SLC14A2: variants seen among roughly 807,000 people sequenced by gnomAD.
SLC14A2 encodes urea transporter 2.
A neutral mutation model predicts 104.6 loss-of-function variants in SLC14A2; 91 were observed. The observed-to-expected ratio is 0.87, with a 90% confidence interval of 0.73 to 1.04. SLC14A2 has a LOEUF of 1.04. SLC14A2 is among the 50% of genes least tolerant of loss of function. The probability of loss-of-function intolerance (pLI) is 0.00; values close to 1 mark genes in which losing one functional copy is unlikely to be tolerated. For synonymous variants in SLC14A2, 476 were observed against 466.4 expected, an observed-to-expected ratio of 1.02 and a Z score of -0.27; for missense variants, 1,189 against 1,156.0, an observed-to-expected ratio of 1.03 and a Z score of -0.41.
intron 1 of SLC14A2, among the ~76,000 whole-genome samples, chr18:45,345,370 G>A (rs572489091): frequency 2.0e-5 from 3 of 152,218 alleles, no homozygotes; most frequent in East Asian, 3.9e-4. Context: ...TTTTTTAAAG[G>A]CAGAGTCCCT....
intron 1 of SLC14A2, among the ~76,000 whole-genome samples, chr18:45,320,305 G>T (rs577036727): frequency 6.6e-6 from 1 of 152,208 alleles, no homozygotes; most frequent in African/African-American, 2.4e-5. Flanking sequence ...TGAGTTTAAA[G>T]CTTTGTACCC....
At chr18:45,187,297 C>A in the SLC14A2 span, among the ~76,000 whole-genome samples, 1 of 152,074 alleles carries the variant, frequency 6.6e-6, no homozygotes, top group Non-Finnish European at 1.5e-5. Flanking sequence ...TAGATGGAGG[C>A]TTCACATTGC....
intron 2 of SLC14A2, among the ~76,000 whole-genome samples, chr18:45,556,002 A>G (rs1189140083): frequency 6.6e-6 from 1 of 152,164 alleles, no homozygotes; most frequent in Non-Finnish European, 1.5e-5. Context: ...TATAAACAAC[A>G]GACATTTATT....
At chr18:45,566,548 G>C (rs2543023) in intron 2 of SLC14A2, among the ~76,000 whole-genome samples, 4,123 of 145,206 alleles carry the variant, frequency 0.028, 195 homozygotes, top group African/African-American at 0.1. Context: ...CACACACACA[G>C]TGTCCACATC....
intron 12 of SLC14A2, 43 bp downstream of exon 12, chr18:45,666,262 C>A: frequency 1.5e-6 from 2 of 1,310,706 alleles, no homozygotes; most frequent in Non-Finnish European, 2.2e-6. Context: ...GCCCTACAGT[C>A]ACAGAGCCCA....
rs148293294 is a variant in SLC14A2 at position 45,511,860 on chromosome 18, A to G, written c.-35+28538A>G. On this transcript the variant is annotated intron_variant, in intron 2 of 20. Transcript: ENST00000586448. ...GCTTGGTGATACCACATAGGGTTCA[A>G]GCCTCCATCTGCACACCAGGGAGTT... 2.1e-3 allele frequency among the ~76,000 whole-genome samples: 321 copies of G among 152,334 alleles called. 10 individuals are homozygous for G. The highest frequency in any genetic ancestry group is 0.019 in the Admixed American group (295 of 15,300).
chr18:45,539,150 A>G (rs530383327), intron 2 of SLC14A2, among the ~76,000 whole-genome samples: 1 of 64,764 alleles, frequency 1.5e-5, no homozygotes, highest in South Asian at 5.0e-4. Context: ...AGCCCAGAGG[A>G]AAGAGCAATG....
chr18:45,450,962 C>T (rs2086848041), intron 1 of SLC14A2, among the ~76,000 whole-genome samples: 1 of 152,194 alleles, frequency 6.6e-6, no homozygotes, highest in East Asian at 1.9e-4. Context: ...TGGTGCAAAA[C>T]ACATGGCTCA....
At chr18:45,290,768 CT>C (rs1327241974) in intron 1 of SLC14A2, among the ~76,000 whole-genome samples, 1 of 151,460 alleles carries the variant, frequency 6.6e-6, no homozygotes, top group Admixed American at 6.6e-5. Flanking sequence ...TTAATTTCAT[CT>C]GTTTATTTTT....
chr18:45,181,697 T>C, the SLC14A2 span, among the ~76,000 whole-genome samples: 1 of 152,180 alleles, frequency 6.6e-6, no homozygotes, highest in Non-Finnish European at 1.5e-5. Context: ...TCCATTGTAA[T>C]TGATAAATGA....
intron 1 of SLC14A2, among the ~76,000 whole-genome samples, chr18:45,313,382 A>G (rs941003038): frequency 6.6e-6 from 1 of 152,144 alleles, no homozygotes; most frequent in African/African-American, 2.4e-5. Flanking sequence ...AAGAGAAGTC[A>G]TTTGCTCAGA....
the SLC14A2 span, among the ~76,000 whole-genome samples, chr18:45,177,239 C>G: frequency 7.2e-5 from 8 of 111,616 alleles, no homozygotes; most frequent in African/African-American, 2.5e-4. Flanking sequence ...ATGCATTCCA[C>G]TAGCCCCTAG....
intron 19 of SLC14A2, among the ~76,000 whole-genome samples, chr18:45,680,539 A>G (rs1370115074): frequency 6.6e-6 from 1 of 152,240 alleles, no homozygotes; most frequent in Non-Finnish European, 1.5e-5. Flanking sequence ...GGGACCATCC[A>G]AGCTCTCCTC....
chr18:45,559,909 G>A (rs540041344), intron 2 of SLC14A2, among the ~76,000 whole-genome samples: 1 of 152,342 alleles, frequency 6.6e-6, no homozygotes, highest in South Asian at 2.1e-4. Context: ...CCCTAGGGAA[G>A]AGAATGTTTG....
chr18:45,190,928 T>C, the SLC14A2 span, among the ~76,000 whole-genome samples: 2 of 152,302 alleles, frequency 1.3e-5, no homozygotes, highest in East Asian at 1.9e-4. Flanking sequence ...AGGCCTTTTT[T>C]AGAAGGAAAA....
rs550857555 is a variant in SLC14A2, at chr18:45,569,258, G to A, written c.-34-55373G>A. ...TGAAAAAATCTGTTGCCCTTCTCCC[G>A]TCTAAACCCAGTTCTCTCTTTCTAC... On this transcript the variant is annotated intron_variant, in intron 2 of 20. Coordinates refer to the SLC14A2 transcript ENST00000586448. Among the ~76,000 whole-genome samples the A allele has an allele frequency of 1.7e-4, 26 of 152,136 alleles. 1 individual carries two copies. Among genetic ancestry groups the A allele is most frequent in the Admixed American group, 3.3e-4 (5 of 15,274 alleles).
intron 1 of SLC14A2, among the ~76,000 whole-genome samples, chr18:45,365,852 T>C (rs2085660683): frequency 2.0e-5 from 3 of 152,270 alleles, no homozygotes; most frequent in Non-Finnish European, 4.4e-5. Context: ...CTAGTGATTG[T>C]TTTTCCAGCA....
At chr18:45,588,220 G>C (rs1248886066) in intron 2 of SLC14A2, among the ~76,000 whole-genome samples, 1 of 152,186 alleles carries the variant, frequency 6.6e-6, no homozygotes, top group Non-Finnish European at 1.5e-5. Flanking sequence ...ACTGGCTGGG[G>C]AAATGGTGGG....
chr18:45,465,095 G>C (rs2087115794), intron 1 of SLC14A2, among the ~76,000 whole-genome samples: 1 of 152,124 alleles, frequency 6.6e-6, no homozygotes, highest in Non-Finnish European at 1.5e-5. Context: ...AGAGATGGTG[G>C]TCACACAGGT....
Sources: gnomAD v4.1 joint callset for allele counts (sites outside exome capture counted in the v4.1 genomes callset) on GRCh38, gnomAD v4.1.1 for gene constraint, MANE v1.5 for transcripts, NCBI Gene and HGNC (gene_info 2026-07-23, HGNC 2026-07-21) for gene names.